ASNSD1: variants seen among roughly 807,000 people sequenced by gnomAD.
ASNSD1 encodes the protein asparagine synthetase domain-containing protein 1.
A neutral mutation model predicts 48.3 loss-of-function variants in ASNSD1; 36 were observed. That is an observed-to-expected ratio of 0.75 (90% CI 0.57 to 0.99). The LOEUF (loss-of-function observed/expected upper bound fraction) is 0.99. Among genes scored for constraint, ASNSD1 ranks in the 50% least tolerant of loss-of-function variants. ASNSD1 has a pLI of 0.00. For missense variants in ASNSD1, 714 were observed against 758.2 expected, an observed-to-expected ratio of 0.94 and a Z score of 0.69; for synonymous variants, 257 against 262.1, an observed-to-expected ratio of 0.98 and a Z score of 0.19.
chr2:189,669,880 T>C (rs550298203), intron 5 of ASNSD1, among the ~76,000 whole-genome samples: 2 of 152,324 alleles, frequency 1.3e-5, no homozygotes, highest in African/African-American at 2.4e-5. Context: ...TTAAACAATT[T>C]TGAGTAACAA....
chr2:189,666,403 G>T lies in ASNSD1; in HGVS notation c.271G>T (p.Asp91Tyr). ...SGIKVEAEEN[D>Y]TQILFNYLSS... ...AATAAAGGTTGAAGCTGAAGAGAAT[G>T]ACACTCAAATTTTGTTTAATTATCT... Residue 91 changes from aspartate (D) to tyrosine (Y), a missense_variant, in exon 4 of 6, where the codon GAC (aspartate) becomes TAC (tyrosine). Coordinates refer to ENST00000260952, the MANE Select transcript of ASNSD1 (RefSeq NM_019048.4). 6.2e-7 allele frequency: 1 copy of T among 1,613,998 alleles called. No individual in the cohort carries two copies. The highest frequency in any genetic ancestry group is 1.1e-5 in the South Asian group (1 of 91,054).
rs777595485 is a variant in ASNSD1, at chr2:189,666,385, G to T, written c.253G>T (p.Val85Phe). The change falls in exon 4 of 6, where the codon GTT becomes TTT. Residue 85 changes from valine (V) to phenylalanine (F), a missense_variant. Coordinates refer to ENST00000260952, the MANE Select transcript of ASNSD1 (RefSeq NM_019048.4). ...WNGEIFSGIK[V>F]EAEENDTQIL... ...TGGAGAAATTTTTAGTGGAATAAAGGTTGAAGCTGAAGAGAATGACACTCA... is the reference window on the plus strand; with the variant it reads ...TGGAGAAATTTTTAGTGGAATAAAGTTTGAAGCTGAAGAGAATGACACTCA... 1.9e-6 allele frequency: 3 copies of T among 1,613,910 alleles called. No individual in the cohort carries two copies. Among genetic ancestry groups the T allele is most frequent in the South Asian group, 2.2e-5 (2 of 91,062 alleles).
intron 1 of ASNSD1, among the ~76,000 whole-genome samples, chr2:189,663,530 G>A (rs150724695): frequency 0.019 from 2,821 of 152,308 alleles, 84 homozygotes; most frequent in African/African-American, 0.064. Flanking sequence ...TGGGATTACA[G>A]GCATGAGCCA....
rs2032835154 is a variant in ASNSD1 at position 189,667,421 on chromosome 2, T to G, written c.1289T>G (p.Ile430Ser). The change falls in exon 4 of 6, where the codon ATT becomes AGT. Residue 430 changes from isoleucine to serine, a missense_variant. Physicochemically the swap from Ile to Ser is moderately radical, Grantham distance 142. Transcript: ENST00000260952. ...TCCCGAATTTGGAATTTTGTTGAAA[T>G]TAATGTTTCTATGGAAGAACTGCAG... Reference protein sequence around the residue: ...SPSRIWNFVEINVSMEELQKL... With the variant: ...SPSRIWNFVESNVSMEELQKL... 4.3e-6 allele frequency: 7 copies of G among 1,614,050 alleles called. No homozygotes were observed. The highest frequency in any genetic ancestry group is 1.3e-5 in the African/African-American group (1 of 74,926).
rs1034735430 is a variant in ASNSD1, at chr2:189,666,226, C to A, written c.94C>A (p.Pro32Thr). The A allele has an allele frequency of 1.3e-5, 21 of 1,613,940 alleles. No homozygotes were observed. Among genetic ancestry groups the A allele is most frequent in the Non-Finnish European group, 1.7e-5 (20 of 1,179,932 alleles). ...ACTATATAATCTTAAACAGCGGGGA[C>A]CCAATAGTAGTAAACAATTGTTAAA... is the stretch of plus-strand genomic sequence containing the variant. The part of the protein sequence containing the change: ...DLLYNLKQRG[P>T]NSSKQLLKSD... Residue 32 changes from proline (P) to threonine (T), a missense_variant, in exon 4 of 6, where the codon CCC becomes ACC. Transcript: ENST00000260952.
At position 189,670,769 on chromosome 2, in the gene ASNSD1, A is replaced by G. The variant is rs915377519; in HGVS notation, c.*43A>G. On this transcript the variant is annotated 3_prime_UTR_variant, in exon 6 of 6. Transcript: ENST00000260952. ...CAATATAAAAATAAGTTTTTATATA[A>G]TTATATAAAAGTAAGATACTCTGCT... 4 of 1,284,838 alleles carry G rather than the reference A, an allele frequency of 3.1e-6. No homozygotes were observed. Among genetic ancestry groups the G allele is most frequent in the African/African-American group, 1.5e-5 (1 of 65,360 alleles). The allele number at this position is 1,284,838 out of a possible 1,614,324, so 79.6% of individuals were successfully genotyped here. A position where few individuals can be genotyped will look rare whatever the true frequency, so the allele number is the denominator to read the frequency against.
At position 189,667,920 on chromosome 2, in the gene ASNSD1, A is replaced by G. The variant is rs2032851131; in HGVS notation, c.1621A>G (p.Ile541Val). The G allele has an allele frequency of 6.2e-7, 1 of 1,610,322 alleles. No homozygotes were observed. The highest frequency in any genetic ancestry group is 8.5e-7 in the Non-Finnish European group (1 of 1,179,042). ...AAATCTTGGTCGTGATGACAGAGTT[A>G]TTGGTGATCATGGAAAAGAAGCAAG... is the stretch of plus-strand genomic sequence containing the variant. The part of the protein sequence containing the change: ...SRNLGRDDRV[I>V]GDHGKEARFP... Residue 541 changes from isoleucine to valine, a missense_variant, in exon 5 of 6, where the codon ATT (isoleucine) becomes GTT (valine). Coordinates refer to ENST00000260952, the MANE Select transcript of ASNSD1 (RefSeq NM_019048.4).
rs767133641 is a variant in ASNSD1 at position 189,667,470 on chromosome 2, T to C, written c.1338T>C (p.Cys446=). 3 of 1,614,068 alleles carry C rather than the reference T, an allele frequency of 1.9e-6. No homozygotes were observed. Among genetic ancestry groups the C allele is most frequent in the Non-Finnish European group, 2.5e-6 (3 of 1,180,032 alleles). Residue 446 remains cysteine, a synonymous_variant, in exon 4 of 6, where the codon TGT becomes TGC. Coordinates refer to ENST00000260952, the MANE Select transcript of ASNSD1 (RefSeq NM_019048.4). ...AGAAATTAAGAAGAACTCGAATATG[T>C]CACTTAATTCGGCCATTGGATACAG... ...ELQKLRRTRI[C]HLIRPLDTVL... is the part of the protein sequence containing the mutation.
chr2:189,664,369 T>C (rs1176488448), intron 2 of ASNSD1, among the ~76,000 whole-genome samples: 1 of 152,190 alleles, frequency 6.6e-6, no homozygotes, highest in Non-Finnish European at 1.5e-5. Context: ...TCCAAAAAAT[T>C]TTTACATAGA....
chr2:189,665,610 A>ATATATATACATATATATATATG (rs2032776203), intron 3 of ASNSD1, among the ~76,000 whole-genome samples, 159 bp downstream of exon 3: 2 of 20,258 alleles, frequency 9.9e-5, no homozygotes, highest in African/African-American at 1.7e-4. Flanking sequence ...ATATATATAT[A>ATATATATACATATATATATATG]TATATATATA....
rs775985210 is a variant in ASNSD1 at position 189,667,763 on chromosome 2, G to A, written c.1465-1G>A. ...TATACGGATTTCTTTAAACCTCATA[G>A]GTAGTTCTCACTGGAATTGGTGCAG... On this transcript the variant is annotated splice_acceptor_variant, in intron 4 of 5. Transcript: ENST00000260952. LOFTEE classifies it high-confidence loss of function. 1.9e-6 allele frequency: 3 copies of A among 1,608,530 alleles called. No homozygotes were observed. Among genetic ancestry groups the A allele is most frequent in the Middle Eastern group, 1.7e-4 (1 of 6,030 alleles).
At chr2:189,667,715 T>C (rs1273261793) in intron 4 of ASNSD1, 49 bp from the exon 5 acceptor site, 4 of 1,552,864 alleles carry the variant, frequency 2.6e-6, no homozygotes, top group African/African-American at 1.4e-5. Context: ...TTATTTTCTT[T>C]ACTGTGTAGT....
intron 1 of ASNSD1, among the ~76,000 whole-genome samples, chr2:189,663,666 C>T (rs1386921306): frequency 1.3e-5 from 2 of 152,188 alleles, no homozygotes; most frequent in Admixed American, 1.3e-4. Flanking sequence ...TAATGGGTTA[C>T]CTAACATTTT....
chr2:189,670,530 G>A lies in ASNSD1; in HGVS notation c.1736G>A (p.Gly579Asp). Residue 579 changes from glycine to aspartate, a missense_variant, in exon 6 of 6, where the codon GGT (glycine) becomes GAT (aspartate). By Grantham distance (94) the Gly-to-Asp change is moderately conservative. Transcript: ENST00000260952. ...AACTTGACTTTACCCCGAGGAATTG[G>A]TGAAAAATTACTTTTACGCCTTGCA... ...KANLTLPRGI[G>D]EKLLLRLAAV... 6.2e-7 allele frequency: 1 copy of A among 1,614,050 alleles called. No individual in the cohort carries two copies. Among genetic ancestry groups the A allele is most frequent in the Non-Finnish European group, 8.5e-7 (1 of 1,179,944 alleles).
chr2:189,665,994 C>A, intron 3 of ASNSD1, 47 bp from the exon 4 acceptor site: 1 of 1,002,246 alleles, frequency 1.0e-6, no homozygotes, highest in Non-Finnish European at 1.4e-6. Flanking sequence ...GGTAAAAGTC[C>A]AAGAATTTTT....
Position 189,667,298 on chromosome 2 carries a change from T to G in ASNSD1, c.1166T>G (p.Val389Gly). Residue 389 changes from valine (V) to glycine (G), a missense_variant, in exon 4 of 6, where the codon GTT becomes GGT. Coordinates refer to ENST00000260952, the MANE Select transcript of ASNSD1 (RefSeq NM_019048.4). ...EIPSEEFSKD[V>G]AAAAADSPNK... ...CCTTCAGAAGAATTCTCTAAAGATG[T>G]TGCTGCTGCTGCTGCTGACAGTCCT... is the stretch of plus-strand genomic sequence containing the variant. 2 of 1,614,038 alleles carry G rather than the reference T, an allele frequency of 1.2e-6. No individual in the cohort carries two copies. The highest frequency in any genetic ancestry group is 1.7e-6 in the Non-Finnish European group (2 of 1,179,970).
At chr2:189,670,190 C>CA (rs201038334) in intron 5 of ASNSD1, among the ~76,000 whole-genome samples, 24,892 of 80,110 alleles carry the variant, frequency 0.31, 2,483 homozygotes, top group Middle Eastern at 0.36. Flanking sequence ...CTCACCTAGG[C>CA]AAAAAAAAAA....
At position 189,667,295 on chromosome 2, in the gene ASNSD1, A is replaced by ATGTTGC; in HGVS notation, c.1166_1171dup (p.Val389_Ala390dup). 1 of 1,614,160 alleles carries ATGTTGC rather than the reference A, an allele frequency of 6.2e-7. No homozygotes were observed. Among genetic ancestry groups the ATGTTGC allele is most frequent in the Non-Finnish European group, 8.5e-7 (1 of 1,180,018 alleles). Reference sequence around the variant, plus strand: ...ATACCTTCAGAAGAATTCTCTAAAGATGTTGCTGCTGCTGCTGCTGACAGT... The same window carrying ATGTTGC: ...ATACCTTCAGAAGAATTCTCTAAAGATGTTGCTGTTGCTGCTGCTGCTGCTGACAGT... On this transcript the variant is annotated inframe_insertion, in exon 4 of 6. Transcript: ENST00000260952.
At chr2:189,670,078 G>A (rs1308390820) in intron 5 of ASNSD1, among the ~76,000 whole-genome samples, 3 of 151,872 alleles carry the variant, frequency 2.0e-5, no homozygotes, top group Non-Finnish European at 4.4e-5. Flanking sequence ...GGAGGCCAAA[G>A]CAGGTGGGTC....
Sources: allele counts gnomAD v4.1 joint callset (sites outside exome capture counted in the v4.1 genomes callset), GRCh38; gene constraint gnomAD v4.1.1; transcripts MANE v1.5; gene names NCBI Gene and HGNC (gene_info 2026-07-23, HGNC 2026-07-21).